Variants in PPP2R2B observed in about 807,000 individuals in gnomAD.
PPP2R2B encodes protein phosphatase 2 regulatory subunit Bbeta, also known as serine/threonine-protein phosphatase 2A 55 kDa regulatory subunit B beta isoform.
PPP2R2B carries 5 observed loss-of-function variants against 46.0 expected under a neutral mutation model. The ratio of observed to expected loss-of-function variants is 0.11; its 90% CI spans 0.06 to 0.23. The LOEUF is 0.23. Ranked by LOEUF, PPP2R2B falls within the 10% of genes least tolerant of loss-of-function variation. The pLI, the probability that PPP2R2B is intolerant of heterozygous loss-of-function variation, is 1.00. For missense variants in PPP2R2B, 367 were observed against 575.0 expected, an observed-to-expected ratio of 0.64 and a Z score of 3.70; for synonymous variants, 215 against 206.7, an observed-to-expected ratio of 1.04 and a Z score of -0.34.
At chr5:146,889,054 T>C (rs756605243) in intron 1 of PPP2R2B, among the ~76,000 whole-genome samples, 1 of 152,254 alleles carries the variant, frequency 6.6e-6, no homozygotes, top group Non-Finnish European at 1.5e-5. Flanking sequence ...CTGCTTTATA[T>C]GCAGTACCTG....
chr5:147,010,904 C>T (rs978363344), intron 1 of PPP2R2B, among the ~76,000 whole-genome samples: 3 of 152,124 alleles, frequency 2.0e-5, no homozygotes, highest in African/African-American at 4.8e-5. Flanking sequence ...CCCACCATTG[C>T]TCTCATCCCT....
intron 1 of PPP2R2B, among the ~76,000 whole-genome samples, chr5:146,962,275 G>A (rs1289026163): frequency 6.6e-6 from 1 of 150,868 alleles, no homozygotes; most frequent in African/African-American, 2.4e-5. Flanking sequence ...TGCTTCCAAT[G>A]TTTCCTTTCT....
At chr5:146,833,754 C>T (rs893596882) in intron 2 of PPP2R2B, among the ~76,000 whole-genome samples, 1 of 151,670 alleles carries the variant, frequency 6.6e-6, no homozygotes, top group Admixed American at 6.6e-5. Flanking sequence ...TCCCATCCTC[C>T]TCCCCCACCC....
At chr5:146,831,496 CT>C (rs1330915447) in intron 2 of PPP2R2B, among the ~76,000 whole-genome samples, 7 of 58,282 alleles carry the variant, frequency 1.2e-4, no homozygotes, top group African/African-American at 5.1e-4. Flanking sequence ...GACTCCATCT[CT>C]CAAAAAAAAA....
At chr5:146,590,309 T>TATGAC in intron 9 of PPP2R2B, 83 bp from the exon 10 acceptor site, 2 of 1,414,734 alleles carry the variant, frequency 1.4e-6, no homozygotes, top group South Asian at 2.7e-5. Context: ...ATGGCCAGCT[T>TATGAC]ATGACACCAT....
intron 1 of PPP2R2B, among the ~76,000 whole-genome samples, chr5:147,028,246 C>CAGGGATGT (rs1755620904): frequency 6.6e-6 from 1 of 152,186 alleles, no homozygotes; most frequent in African/African-American, 2.4e-5. Flanking sequence ...AACCTCTTCT[C>CAGGGATGT]CCTTCTTGAT....
intron 2 of PPP2R2B, among the ~76,000 whole-genome samples, chr5:146,850,279 T>C (rs1377873368): frequency 6.6e-6 from 1 of 152,194 alleles, no homozygotes; most frequent in Non-Finnish European, 1.5e-5. Flanking sequence ...TCTCTTTAGA[T>C]CTATTCTAGA....
chr5:146,974,492 C>A (rs1240873381), intron 1 of PPP2R2B, among the ~76,000 whole-genome samples: 1 of 152,012 alleles, frequency 6.6e-6, no homozygotes, highest in Non-Finnish European at 1.5e-5. Flanking sequence ...CTTGCTGCCT[C>A]CCTAGGAGGG....
chr5:146,950,245 C>T (rs1764610370), intron 1 of PPP2R2B, among the ~76,000 whole-genome samples: 1 of 151,762 alleles, frequency 6.6e-6, no homozygotes, highest in Admixed American at 6.6e-5. Context: ...AATATATATA[C>T]CTACATTTTA....
chr5:146,629,287 G>A (rs765596912), intron 7 of PPP2R2B, among the ~76,000 whole-genome samples: 8 of 152,192 alleles, frequency 5.3e-5, no homozygotes, highest in East Asian at 3.9e-4. Flanking sequence ...CAGTCTCCTC[G>A]TTTCAGTGTA....
intron 1 of PPP2R2B, among the ~76,000 whole-genome samples, chr5:147,055,397 C>T (rs762673069): frequency 6.6e-6 from 1 of 152,168 alleles, no homozygotes; most frequent in Non-Finnish European, 1.5e-5. Flanking sequence ...GGAAAATTGG[C>T]AAAATATTTC....
intron 2 of PPP2R2B, among the ~76,000 whole-genome samples, chr5:146,809,488 TGA>T (rs1757392048): frequency 6.6e-6 from 1 of 151,886 alleles, no homozygotes; most frequent in African/African-American, 2.4e-5. Context: ...TGGCTGGGAA[TGA>T]AAAAAATAAG....
At chr5:146,626,176 A>C (rs1373855736) in intron 7 of PPP2R2B, among the ~76,000 whole-genome samples, 1 of 152,078 alleles carries the variant, frequency 6.6e-6, no homozygotes, top group Non-Finnish European at 1.5e-5. Context: ...ATAGGAAGCT[A>C]ATACAGAGAG....
At position 146,581,250 on chromosome 5, in the gene PPP2R2B, A is replaced by T. The variant is rs533514890; in HGVS notation, c.*8697T>A. The stretch of plus-strand genomic sequence containing the variant: ...GAGAGGCCTCTGGATACTTACAATC[A>T]TGGCAGAAGGCAAAGGGGGAGCCAG... On this transcript the variant is annotated 3_prime_UTR_variant, in exon 10 of 10. Coordinates refer to ENST00000394411, the MANE Select transcript of PPP2R2B (RefSeq NM_181675.4). 6.6e-6 allele frequency: 1 copy of T among 152,354 alleles called. No individual in the cohort carries two copies. Among genetic ancestry groups the T allele is most frequent in the African/African-American group, 2.4e-5 (1 of 41,566 alleles). 9.4% of individuals were successfully genotyped at this position (152,354 alleles called of 1,614,324 possible). A position where few individuals can be genotyped will look rare whatever the true frequency, so the allele number is the denominator to read the frequency against.
At chr5:146,937,243 G>T (rs1333626222) in intron 1 of PPP2R2B, among the ~76,000 whole-genome samples, 2 of 151,834 alleles carry the variant, frequency 1.3e-5, no homozygotes, top group African/African-American at 4.8e-5. Flanking sequence ...AGAACTTGCA[G>T]TGAGCCGAGA....
intron 1 of PPP2R2B, among the ~76,000 whole-genome samples, chr5:146,998,283 C>G (rs149193991): frequency 6.6e-6 from 1 of 152,346 alleles, no homozygotes; most frequent in East Asian, 1.9e-4. Flanking sequence ...GAGCACAATT[C>G]AGGTGCACAC....
chr5:146,969,577 A>G lies in PPP2R2B; in HGVS notation c.79+86088T>C, dbSNP rs368872043. On this transcript the variant is annotated intron_variant, in intron 1 of 8. Transcript: ENST00000336640. Reference sequence around the variant, plus strand: ...AGAGAGGCTAGACAAGGCTATACCCAGGATGCCACAGCCATCCAGGAGCGA... The same window carrying G: ...AGAGAGGCTAGACAAGGCTATACCCGGGATGCCACAGCCATCCAGGAGCGA... Among the ~76,000 whole-genome samples the G allele has an allele frequency of 4.9e-3, 751 of 152,356 alleles. 16 individuals are homozygous for G. The South Asian group carries it at 0.055, about 11-fold the overall frequency.
intron 2 of PPP2R2B, chr5:146,706,982 C>G (rs958793210): frequency 1.0e-6 from 1 of 985,742 alleles, no homozygotes; most frequent in African/African-American, 1.6e-5. Context: ...AGGCAAGACT[C>G]CAGCTCTACC....
At chr5:146,682,606 C>A (rs1373773805) in intron 5 of PPP2R2B, among the ~76,000 whole-genome samples, 1 of 152,190 alleles carries the variant, frequency 6.6e-6, no homozygotes, top group African/African-American at 2.4e-5. Flanking sequence ...AGTACCCACT[C>A]CACAGGCTGC....
Sources: allele counts gnomAD v4.1 joint callset (sites outside exome capture counted in the v4.1 genomes callset), GRCh38; gene constraint gnomAD v4.1.1; transcripts MANE v1.5; gene names NCBI Gene and HGNC (gene_info 2026-07-23, HGNC 2026-07-21).